Variants in NEK11 observed in about 807,000 individuals in gnomAD.
NEK11 encodes serine/threonine-protein kinase Nek11.
NEK11 carries 72 observed loss-of-function variants against 80.7 expected under a neutral mutation model. The ratio of observed to expected loss-of-function variants is 0.89; its 90% CI spans 0.74 to 1.08. The LOEUF is 1.08. NEK11 is among the 50% of genes least tolerant of loss of function. The pLI is 0.00. For synonymous variants in NEK11, 251 were observed against 260.7 expected (o/e 0.96, Z 0.36); for missense variants, 764 against 763.6 (o/e 1.00, Z -0.01).
intron 9 of NEK11, among the ~76,000 whole-genome samples, 153 bp downstream of exon 9, chr3:131,152,862 G>A (rs1244048467): frequency 1.3e-5 from 2 of 152,100 alleles, no homozygotes; most frequent in East Asian, 3.9e-4. Flanking sequence ...GAGGCGGATG[G>A]ATCACGAGGT....
intron 17 of NEK11, among the ~76,000 whole-genome samples, chr3:131,310,670 G>A (rs1487640879): frequency 6.6e-6 from 1 of 152,160 alleles, no homozygotes; most frequent in African/African-American, 2.4e-5. Context: ...TCAGCTGCAG[G>A]GAGATGTGTT....
chr3:131,202,820 A>G (rs1404498427), intron 14 of NEK11, among the ~76,000 whole-genome samples: 2 of 152,258 alleles, frequency 1.3e-5, no homozygotes, highest in African/African-American at 4.8e-5. Context: ...CAACAGACAC[A>G]TGAAAAAATG....
At chr3:131,302,719 G>A (rs991275385) in intron 17 of NEK11, among the ~76,000 whole-genome samples, 2 of 152,076 alleles carry the variant, frequency 1.3e-5, no homozygotes, top group African/African-American at 2.4e-5. Context: ...AGCTTGGTTC[G>A]TATGATTTCG....
intron 14 of NEK11, among the ~76,000 whole-genome samples, chr3:131,204,820 T>TG (rs1331632121): frequency 6.6e-6 from 1 of 152,144 alleles, no homozygotes; most frequent in African/African-American, 2.4e-5. Flanking sequence ...AGGCATGCCT[T>TG]GGGCTTTTTC....
At chr3:131,091,587 G>A (rs551576510) in intron 4 of NEK11, among the ~76,000 whole-genome samples, 1 of 152,266 alleles carries the variant, frequency 6.6e-6, no homozygotes, top group Admixed American at 6.5e-5. Context: ...AAAAAATAAA[G>A]AAGTTGATAT....
chr3:131,071,266 A>G (rs1396897195), intron 3 of NEK11, among the ~76,000 whole-genome samples: 2 of 152,080 alleles, frequency 1.3e-5, no homozygotes, highest in African/African-American at 4.8e-5. Context: ...GTACTTTTTT[A>G]TCTCCTATCA....
At chr3:131,330,701 G>A (rs1055810195) in intron 17 of NEK11, 7 of 152,108 alleles carry the variant, frequency 4.6e-5, no homozygotes, top group Admixed American at 2.6e-4. Context: ...TCTTATCAAT[G>A]ACAGCACAAG....
intron 3 of NEK11, among the ~76,000 whole-genome samples, chr3:131,042,130 C>G (rs1043393373): frequency 7.9e-5 from 12 of 152,240 alleles, no homozygotes; most frequent in African/African-American, 2.7e-4. Context: ...GGGGCCTACA[C>G]CACAAGCGCC....
intron 16 of NEK11, among the ~76,000 whole-genome samples, chr3:131,247,312 G>T (rs1283949131): frequency 6.6e-6 from 1 of 152,100 alleles, no homozygotes; most frequent in Non-Finnish European, 1.5e-5. Context: ...GAGAGATGAG[G>T]ATCCAGTTTC....
chr3:131,144,390 C>T (rs1259819944), intron 7 of NEK11, among the ~76,000 whole-genome samples: 1 of 152,126 alleles, frequency 6.6e-6, no homozygotes, highest in African/African-American at 2.4e-5. Context: ...AGCTCTCCCC[C>T]ACCCCCAATC....
chr3:131,029,714 G>A lies in NEK11; in HGVS notation c.6G>A (p.Leu2=). Residue 2 remains leucine (L), a synonymous_variant, in exon 3 of 18, where the codon CTG becomes CTA. Transcript: ENST00000383366. M[L]KFQEAAKCVS... ...GTTCTCTCTTGTTTGGAGCAATGCT[G>A]AAATTCCAAGAGGCAGCTAAGTGTG... 6.2e-7 allele frequency: 1 copy of A among 1,613,934 alleles called. No individual in the cohort carries two copies. The highest frequency in any genetic ancestry group is 8.5e-7 in the Non-Finnish European group (1 of 1,179,826).
chr3:131,181,545 G>A (rs2093344118), intron 14 of NEK11, among the ~76,000 whole-genome samples: 1 of 152,170 alleles, frequency 6.6e-6, no homozygotes, highest in East Asian at 1.9e-4. Flanking sequence ...AGGAGATGGA[G>A]ACCATCCTGG....
At chr3:131,159,781 A>C (rs755653581) in intron 10 of NEK11, among the ~76,000 whole-genome samples, 1 of 151,842 alleles carries the variant, frequency 6.6e-6, no homozygotes, top group African/African-American at 2.4e-5. Flanking sequence ...AAAAGAATGC[A>C]ATCTCAAGTA....
intron 15 of NEK11, among the ~76,000 whole-genome samples, chr3:131,236,372 T>G (rs1461485273): frequency 7.5e-6 from 1 of 132,848 alleles, no homozygotes; most frequent in Non-Finnish European, 1.8e-5. Context: ...CAGCCCTGCT[T>G]TTTTTTCGTC....
intron 14 of NEK11, among the ~76,000 whole-genome samples, chr3:131,194,941 A>G (rs1358510594): frequency 1.3e-5 from 2 of 152,166 alleles, no homozygotes; most frequent in East Asian, 1.9e-4. Context: ...AAGTTTCAAC[A>G]CTGTCATCTA....
At chr3:131,204,605 G>T in intron 14 of NEK11, among the ~76,000 whole-genome samples, 1 of 151,880 alleles carries the variant, frequency 6.6e-6, no homozygotes, top group East Asian at 1.9e-4. Context: ...CACACATTTG[G>T]TCACAGGTGT....
At chr3:131,053,221 T>C (rs1393743715) in intron 3 of NEK11, 1 of 152,234 alleles carries the variant, frequency 6.6e-6, no homozygotes. Flanking sequence ...GGTGGTAATG[T>C]AACATGCAGA....
chr3:131,236,617 A>G (rs1477730784), intron 15 of NEK11, among the ~76,000 whole-genome samples: 1 of 152,222 alleles, frequency 6.6e-6, no homozygotes, highest in Non-Finnish European at 1.5e-5. Context: ...TTCGGAATTC[A>G]GTGAAAGAGG....
chr3:131,319,321 A>G (rs569517177), intron 17 of NEK11, among the ~76,000 whole-genome samples: 2 of 152,236 alleles, frequency 1.3e-5, no homozygotes, highest in South Asian at 4.1e-4. Context: ...CTCCCTTGGC[A>G]CTCACTAGGC....
Sources: gnomAD v4.1 joint callset for allele counts (sites outside exome capture counted in the v4.1 genomes callset) on GRCh38, gnomAD v4.1.1 for gene constraint, MANE v1.5 for transcripts, NCBI Gene and HGNC (gene_info 2026-07-23, HGNC 2026-07-21) for gene names.